The following DDC variants were observed in gnomAD, a reference collection of about 807,000 sequenced individuals.
DDC encodes dopa decarboxylase.
Under a neutral mutation model 60.0 loss-of-function variants are expected in DDC, and 43 were observed. That is an observed-to-expected ratio of 0.72 (90% CI 0.56 to 0.92). The LOEUF (loss-of-function observed/expected upper bound fraction) is 0.92, where lower values mean the gene tolerates loss of function less well. DDC is among the 40% of genes least tolerant of loss of function. The pLI is 0.00. For missense variants in DDC, 573 were observed against 620.2 expected, an observed-to-expected ratio of 0.92 and a Z score of 0.81; for synonymous variants, 232 against 234.6, an observed-to-expected ratio of 0.99 and a Z score of 0.10.
intron 10 of DDC, among the ~76,000 whole-genome samples, chr7:50,478,761 G>A (rs1349492): frequency 0.56 from 84,464 of 152,036 alleles, 23,645 homozygotes; most frequent in Admixed American, 0.62. Context: ...ACTTCATGAG[G>A]TACATGTGGG....
At chr7:50,540,050 C>T (rs1246052378) in intron 2 of DDC, 22 bp from the exon 3 acceptor site, 1 of 1,588,082 alleles carries the variant, frequency 6.3e-7, no homozygotes, top group Non-Finnish European at 8.6e-7. Flanking sequence ...GACAGAGCAG[C>T]TGCTGAGGAG....
chr7:50,470,032 C>A (rs2042494120), intron 12 of DDC, 41 bp downstream of exon 12: 1 of 1,276,054 alleles, frequency 7.8e-7, no homozygotes, highest in African/African-American at 1.5e-5. Flanking sequence ...CCCGAAAGAC[C>A]TCCGCAATTT....
Position 50,475,584 on chromosome 7 carries a change from C to T in DDC, c.1041+1040G>A, listed in dbSNP as rs114192386. ...AGCCCCTGCTGGGTCATTATCACAC[C>T]GGCTGCTGACAATGTTTGCTCCAAA... On this transcript the variant is annotated intron_variant, in intron 11 of 14. Transcript: ENST00000444124. Among the ~76,000 whole-genome samples, 85 of 152,278 alleles carry T rather than the reference C, an allele frequency of 5.6e-4. 1 individual carries two copies. Among genetic ancestry groups the T allele is most frequent in the Middle Eastern group, 3.4e-3 (1 of 294 alleles).
intron 12 of DDC, 95 bp downstream of exon 12, chr7:50,469,973 CTGTCT>C (rs1385736686): frequency 5.3e-6 from 4 of 751,062 alleles, no homozygotes; most frequent in Non-Finnish European, 8.8e-6. Context: ...GAGTGAAACT[CTGTCT>C]CAAAAAAAAA....
At chr7:50,555,722 A>G (rs566706834) in intron 1 of DDC, among the ~76,000 whole-genome samples, 1 of 152,320 alleles carries the variant, frequency 6.6e-6, no homozygotes, top group Admixed American at 6.5e-5. Context: ...TTTAATCTTC[A>G]TAAGAACCTT....
intron 13 of DDC, among the ~76,000 whole-genome samples, chr7:50,464,682 A>G (rs1298377083): frequency 6.6e-6 from 1 of 152,222 alleles, no homozygotes; most frequent in Non-Finnish European, 1.5e-5. Context: ...TGGGACAATT[A>G]CAATGAACAA....
At chr7:50,550,123 C>T (rs917521417) in intron 1 of DDC, among the ~76,000 whole-genome samples, 5 of 152,144 alleles carry the variant, frequency 3.3e-5, no homozygotes, top group Admixed American at 3.3e-4. Context: ...AAGAGTTGAT[C>T]GATGCAGCAA....
chr7:50,543,580 G>A (rs1242294243), intron 2 of DDC: 2 of 423,670 alleles, frequency 4.7e-6, no homozygotes, highest in Admixed American at 3.5e-5. Context: ...ATGAGGACAC[G>A]CTCTATGTAC....
intron 10 of DDC, 30 bp from the exon 11 acceptor site, chr7:50,476,673 G>A (rs764113469): frequency 1.2e-6 from 2 of 1,600,688 alleles, no homozygotes; most frequent in African/African-American, 1.3e-5. Flanking sequence ...AAAGAAAAAA[G>A]AAATCGTTAG....
At chr7:50,475,840 C>T (rs1389516563) in intron 11 of DDC, among the ~76,000 whole-genome samples, 1 of 152,142 alleles carries the variant, frequency 6.6e-6, no homozygotes, top group Admixed American at 6.5e-5. Flanking sequence ...CAGGTGCCTG[C>T]CACCACACCC....
At chr7:50,493,098 G>T in intron 9 of DDC, 1 of 1,019,958 alleles carries the variant, frequency 9.8e-7, no homozygotes, top group Non-Finnish European at 1.5e-6. Context: ...TCTGGTCCCT[G>T]ACCGCTTCAG....
rs77523336 is a variant in DDC, at chr7:50,466,017, C to T, written c.1242+1197G>A. On this transcript the variant is annotated intron_variant, in intron 13 of 14. Coordinates refer to ENST00000444124, the MANE Select transcript of DDC (RefSeq NM_001082971.2). Reference sequence around the variant, plus strand: ...CTTTCCCACGGCTGCAGCTCCTCCTCGCCTCAGAGCTCCAAGAGTCAGGTG... The same window carrying T: ...CTTTCCCACGGCTGCAGCTCCTCCTTGCCTCAGAGCTCCAAGAGTCAGGTG... Among the ~76,000 whole-genome samples the T allele has an allele frequency of 8.7e-3, 1,322 of 152,316 alleles. 20 individuals are homozygous for T. Among genetic ancestry groups the T allele is most frequent in the African/African-American group, 0.03 (1,268 of 41,574 alleles).
chr7:50,562,073 A>G (rs570674976), intron 1 of DDC, among the ~76,000 whole-genome samples: 1 of 152,214 alleles, frequency 6.6e-6, no homozygotes, highest in Non-Finnish European at 1.5e-5. Flanking sequence ...AAATGCCCCA[A>G]GGAGAGCCAT....
intron 14 of DDC, among the ~76,000 whole-genome samples, chr7:50,460,062 G>T (rs1476520391): frequency 6.8e-6 from 1 of 146,742 alleles, no homozygotes; most frequent in East Asian, 2.0e-4. Flanking sequence ...GAGGTGGGGG[G>T]GGTCAGCCCC....
At chr7:50,477,775 A>G (rs1255191275) in intron 10 of DDC, among the ~76,000 whole-genome samples, 2 of 152,188 alleles carry the variant, frequency 1.3e-5, no homozygotes, top group Non-Finnish European at 2.9e-5. Flanking sequence ...CCTTTACGAC[A>G]CATGGCCTCT....
At chr7:50,539,824 T>C (rs1301496189) in intron 3 of DDC, 91 bp downstream of exon 3, 1 of 934,128 alleles carries the variant, frequency 1.1e-6, no homozygotes, top group African/African-American at 1.6e-5. Context: ...CACCGCCATC[T>C]GCTCAGGTCC....
At chr7:50,473,500 T>A (rs2042577606) in intron 11 of DDC, among the ~76,000 whole-genome samples, 1 of 152,154 alleles carries the variant, frequency 6.6e-6, no homozygotes, top group African/African-American at 2.4e-5. Context: ...TGTCCCCTCA[T>A]CAGCCATGAA....
chr7:50,529,388 G>C, intron 4 of DDC, 46 bp from the exon 5 acceptor site: 1 of 1,609,430 alleles, frequency 6.2e-7, no homozygotes, highest in Non-Finnish European at 8.5e-7. Flanking sequence ...CATAGCGAAG[G>C]CATTGGTACC....
In DDC at chr7:50,473,364, A is replaced by G. The variant is rs544188632; in HGVS notation, c.1042-3193T>C. Among the ~76,000 whole-genome samples the G allele has an allele frequency of 1.8e-3, 276 of 152,276 alleles. 1 individual carries two copies. The highest frequency in any genetic ancestry group is 4.1e-3 in the South Asian group (20 of 4,824). On this transcript the variant is annotated intron_variant, in intron 11 of 14. Transcript: ENST00000444124. ...GGTGGCTGCCCGGGGCTGTCCCCAC[A>G]TGGCCACTCCTGCTTCCTGGGGCTG...
Sources: allele counts gnomAD v4.1 joint callset (sites outside exome capture counted in the v4.1 genomes callset), GRCh38; gene constraint gnomAD v4.1.1; transcripts MANE v1.5; gene names NCBI Gene and HGNC (gene_info 2026-07-23, HGNC 2026-07-21).